Variants in PPP3CA observed in about 807,000 individuals in gnomAD.
PPP3CA encodes the protein protein phosphatase 3 catalytic subunit alpha, also known as CAM-PRP catalytic subunit.
Under a neutral mutation model 66.5 loss-of-function variants are expected in PPP3CA, and 14 were observed. That is an observed-to-expected ratio of 0.21 (90% confidence interval 0.14 to 0.33). PPP3CA has a LOEUF of 0.33. Ranked by LOEUF, PPP3CA falls within the 10% of genes least tolerant of loss-of-function variation. PPP3CA has a pLI of 1.00. For synonymous variants in PPP3CA, 232 were observed against 226.2 expected (o/e 1.03, Z -0.23); for missense variants, 317 against 639.5 (o/e 0.50, Z 5.44).
intron 6 of PPP3CA, among the ~76,000 whole-genome samples, chr4:101,084,591 C>A (rs1454172990): frequency 6.6e-6 from 1 of 150,514 alleles, no homozygotes; most frequent in African/African-American, 2.5e-5. Context: ...TGCAGTGAGT[C>A]GAGAACGCAC....
At chr4:101,139,867 A>G (rs1201726283) in intron 2 of PPP3CA, among the ~76,000 whole-genome samples, 1 of 151,906 alleles carries the variant, frequency 6.6e-6, no homozygotes, top group East Asian at 1.9e-4. Flanking sequence ...TTACTACTTG[A>G]AAAGATATGC....
chr4:101,094,612 G>A (rs17030745), intron 5 of PPP3CA, among the ~76,000 whole-genome samples: 25,284 of 151,970 alleles, frequency 0.17, 2,936 homozygotes, highest in African/African-American at 0.32. Context: ...CAACTTTAGC[G>A]GGTCATTCTT....
chr4:101,052,628 TTA>T (rs1317689255), intron 10 of PPP3CA, among the ~76,000 whole-genome samples: 1 of 151,822 alleles, frequency 6.6e-6, no homozygotes, highest in East Asian at 1.9e-4. Flanking sequence ...TGAGAAGAAT[TTA>T]GTCTTTTAAA....
intron 8 of PPP3CA, among the ~76,000 whole-genome samples, chr4:101,073,783 G>C (rs1729028010): frequency 1.3e-5 from 2 of 151,950 alleles, no homozygotes; most frequent in African/African-American, 2.4e-5. Flanking sequence ...TTAGGGGTTG[G>C]GGGGATGTCT....
intron 1 of PPP3CA, among the ~76,000 whole-genome samples, chr4:101,290,194 G>A (rs1329070867): frequency 6.6e-6 from 1 of 152,096 alleles, no homozygotes; most frequent in Non-Finnish European, 1.5e-5. Context: ...TTCTCTAAAG[G>A]ATATAACTGT....
chr4:101,172,748 A>C (rs1293958898), intron 2 of PPP3CA, among the ~76,000 whole-genome samples: 1 of 152,124 alleles, frequency 6.6e-6, no homozygotes, highest in Non-Finnish European at 1.5e-5. Flanking sequence ...TCTAACTTAC[A>C]ATGGGAATTC....
chr4:101,251,373 A>G (rs1377181285), intron 1 of PPP3CA, among the ~76,000 whole-genome samples: 9 of 148,402 alleles, frequency 6.1e-5, no homozygotes, highest in African/African-American at 2.4e-4. Flanking sequence ...TGCTAATCAC[A>G]AAACTCAACA....
intron 2 of PPP3CA, among the ~76,000 whole-genome samples, chr4:101,114,990 T>C (rs942941267): frequency 1.3e-5 from 2 of 152,016 alleles, no homozygotes; most frequent in Non-Finnish European, 2.9e-5. Context: ...TCTATGTGTG[T>C]GTATAAAGCC....
At chr4:101,250,182 T>C (rs1215316286) in intron 1 of PPP3CA, 2 of 222,986 alleles carry the variant, frequency 9.0e-6, no homozygotes, top group East Asian at 1.4e-4. Context: ...TCTTATAGAT[T>C]AAGAACTGTC....
At chr4:101,117,983 T>C (rs1475663943) in intron 2 of PPP3CA, among the ~76,000 whole-genome samples, 1 of 152,056 alleles carries the variant, frequency 6.6e-6, no homozygotes, top group African/African-American at 2.4e-5. Context: ...ATTTTCACTT[T>C]AGAAATACTC....
intron 2 of PPP3CA, among the ~76,000 whole-genome samples, chr4:101,113,212 C>T (rs1049320498): frequency 6.6e-6 from 1 of 152,106 alleles, no homozygotes; most frequent in African/African-American, 2.4e-5. Context: ...ACATCAGAAC[C>T]ACTTGGAGAG....
At chr4:101,275,940 A>C (rs1727482410) in intron 1 of PPP3CA, among the ~76,000 whole-genome samples, 1 of 150,272 alleles carries the variant, frequency 6.7e-6, no homozygotes, top group Non-Finnish European at 1.5e-5. Context: ...TCTGTTGCCC[A>C]GACTGGAGTG....
At chr4:101,275,496 T>C (rs1215904830) in intron 1 of PPP3CA, among the ~76,000 whole-genome samples, 1 of 152,182 alleles carries the variant, frequency 6.6e-6, no homozygotes, top group African/African-American at 2.4e-5. Context: ...GATATAAGGC[T>C]AGGAAAATCA....
chr4:101,036,580 T>A (rs1398803269), intron 11 of PPP3CA, among the ~76,000 whole-genome samples: 1 of 152,066 alleles, frequency 6.6e-6, no homozygotes, highest in Non-Finnish European at 1.5e-5. Context: ...CCCAGCTAAT[T>A]TTTTTGTATT....
chr4:101,066,396 T>C (rs949578210), intron 8 of PPP3CA, among the ~76,000 whole-genome samples: 2 of 152,120 alleles, frequency 1.3e-5, no homozygotes, highest in African/African-American at 4.8e-5. Context: ...AGATAATTTA[T>C]AAAGTCTCTT....
intron 2 of PPP3CA, among the ~76,000 whole-genome samples, chr4:101,116,622 A>T (rs138137578): frequency 6.6e-6 from 1 of 152,028 alleles, no homozygotes; most frequent in East Asian, 1.9e-4. Flanking sequence ...GTTCATTAAC[A>T]GAATGCACAA....
At chr4:101,151,345 AG>A (rs1450327034) in intron 2 of PPP3CA, among the ~76,000 whole-genome samples, 2 of 152,072 alleles carry the variant, frequency 1.3e-5, no homozygotes, top group African/African-American at 4.8e-5. Context: ...GTGGATCACG[AG>A]GTCAGGAGTT....
intron 1 of PPP3CA, among the ~76,000 whole-genome samples, chr4:101,223,435 T>A (rs1290408755): frequency 1.3e-5 from 2 of 151,814 alleles, no homozygotes; most frequent in African/African-American, 4.8e-5. Context: ...ACAGGGTAAG[T>A]GATATTGGCA....
At chr4:101,105,909 A>G (rs559049519) in intron 3 of PPP3CA, among the ~76,000 whole-genome samples, 5 of 152,214 alleles carry the variant, frequency 3.3e-5, no homozygotes, top group South Asian at 2.1e-4. Flanking sequence ...AGCTTCAAGG[A>G]AAGTAGGATG....
Sources: gnomAD v4.1 joint callset for allele counts (sites outside exome capture counted in the v4.1 genomes callset) on GRCh38, gnomAD v4.1.1 for gene constraint, MANE v1.5 for transcripts, NCBI Gene and HGNC (gene_info 2026-07-23, HGNC 2026-07-21) for gene names.